HS3ST5: variants seen among roughly 807,000 people sequenced by gnomAD.
HS3ST5 encodes the protein heparan sulfate glucosamine 3-O-sulfotransferase 5.
Under a neutral mutation model 25.4 loss-of-function variants are expected in HS3ST5, and 10 were observed. That is an observed-to-expected ratio of 0.39 (90% CI 0.24 to 0.67). The LOEUF (loss-of-function observed/expected upper bound fraction) is 0.67. Among genes scored for constraint, HS3ST5 ranks in the 30% least tolerant of loss-of-function variants. The pLI is 0.44. For synonymous variants in HS3ST5, 170 were observed against 162.4 expected (o/e 1.05, Z -0.36); for missense variants, 324 against 420.7 (o/e 0.77, Z 2.01).
At chr6:114,108,692 T>G (rs1241606026) in intron 3 of HS3ST5, among the ~76,000 whole-genome samples, 1 of 152,058 alleles carries the variant, frequency 6.6e-6, no homozygotes, top group Non-Finnish European at 1.5e-5. Flanking sequence ...AATAAAACAT[T>G]AACTGGCACA....
chr6:114,333,861 C>A (rs1776503694), intron 1 of HS3ST5, among the ~76,000 whole-genome samples: 1 of 152,100 alleles, frequency 6.6e-6, no homozygotes, highest in Non-Finnish European at 1.5e-5. Context: ...GTTGGTATCA[C>A]ACATCTAGTC....
At chr6:114,144,101 C>T (rs1778039011) in intron 3 of HS3ST5, among the ~76,000 whole-genome samples, 1 of 152,108 alleles carries the variant, frequency 6.6e-6, no homozygotes. Context: ...CCCAGAGTTC[C>T]CAGTGGCAAC....
chr6:114,198,279 A>T (rs1780856658), intron 2 of HS3ST5, among the ~76,000 whole-genome samples: 1 of 152,184 alleles, frequency 6.6e-6, no homozygotes, highest in Non-Finnish European at 1.5e-5. Context: ...CCTTTGAGAT[A>T]TATGGGATTA....
At chr6:114,129,641 A>G (rs1329185034) in intron 3 of HS3ST5, among the ~76,000 whole-genome samples, 1 of 152,228 alleles carries the variant, frequency 6.6e-6, no homozygotes, top group Non-Finnish European at 1.5e-5. Context: ...GCTCAGTAAC[A>G]TCACCGAAAA....
intron 3 of HS3ST5, among the ~76,000 whole-genome samples, chr6:114,106,399 A>G (rs1041638819): frequency 3.9e-5 from 6 of 152,124 alleles, no homozygotes; most frequent in Non-Finnish European, 8.8e-5. Flanking sequence ...CTTGATTTGA[A>G]TTGAACAAAA....
At chr6:114,252,325 T>C (rs1267207058) in intron 1 of HS3ST5, among the ~76,000 whole-genome samples, 1 of 152,130 alleles carries the variant, frequency 6.6e-6, no homozygotes, top group Non-Finnish European at 1.5e-5. Flanking sequence ...TAGCTGAAGG[T>C]TAAGGTGGCT....
intron 3 of HS3ST5, among the ~76,000 whole-genome samples, chr6:114,119,448 A>G (rs1776678212): frequency 6.6e-6 from 1 of 152,212 alleles, no homozygotes; most frequent in East Asian, 1.9e-4. Flanking sequence ...AGTGAGGGGA[A>G]CTGCAAATTG....
chr6:114,196,427 G>C (rs1232410060), intron 2 of HS3ST5, among the ~76,000 whole-genome samples: 2 of 151,994 alleles, frequency 1.3e-5, no homozygotes, highest in Admixed American at 1.3e-4. Context: ...CGCTGAGTGG[G>C]GCTTTTGTAA....
intron 2 of HS3ST5, among the ~76,000 whole-genome samples, chr6:114,211,668 T>C (rs1781514982): frequency 6.6e-6 from 1 of 152,170 alleles, no homozygotes; most frequent in African/African-American, 2.4e-5. Context: ...GAAAAATGTA[T>C]TAAAACCAGC....
chr6:114,103,996 C>T (rs990024303), intron 3 of HS3ST5, among the ~76,000 whole-genome samples: 5 of 151,670 alleles, frequency 3.3e-5, no homozygotes, highest in Non-Finnish European at 7.4e-5. Flanking sequence ...CCACTGTGCC[C>T]GGCCTATTGT....
chr6:114,297,853 A>C (rs1329476977), intron 1 of HS3ST5, among the ~76,000 whole-genome samples: 1 of 152,216 alleles, frequency 6.6e-6, no homozygotes, highest in Non-Finnish European at 1.5e-5. Flanking sequence ...ATACAATAGA[A>C]TCTGACACAT....
At chr6:114,338,817 G>C (rs903211135) in intron 1 of HS3ST5, among the ~76,000 whole-genome samples, 6 of 151,910 alleles carry the variant, frequency 3.9e-5, no homozygotes, top group African/African-American at 1.4e-4. Flanking sequence ...TTACATTTTT[G>C]CTAACTTGAA....
At chr6:114,304,874 G>A (rs1775224611) in intron 1 of HS3ST5, among the ~76,000 whole-genome samples, 1 of 152,074 alleles carries the variant, frequency 6.6e-6, no homozygotes, top group African/African-American at 2.4e-5. Context: ...TGTTTTGGTT[G>A]ATGTATATTT....
chr6:114,229,174 C>T (rs1771455176), intron 1 of HS3ST5, among the ~76,000 whole-genome samples: 1 of 152,158 alleles, frequency 6.6e-6, no homozygotes, highest in Admixed American at 6.5e-5. Context: ...TTTAAATCCC[C>T]ATGGAATCAT....
At chr6:114,336,593 C>T (rs1169517711) in intron 1 of HS3ST5, among the ~76,000 whole-genome samples, 2 of 151,960 alleles carry the variant, frequency 1.3e-5, no homozygotes, top group Admixed American at 6.6e-5. Context: ...GGTGACAGAG[C>T]GTGAGTCCAA....
At chr6:114,156,328 G>C (rs1021042385) in intron 3 of HS3ST5, among the ~76,000 whole-genome samples, 4 of 152,196 alleles carry the variant, frequency 2.6e-5, no homozygotes, top group African/African-American at 7.2e-5. Context: ...CTAACAATTG[G>C]ATTAGGGCAT....
chr6:114,316,594 G>GT (rs1327028416), intron 1 of HS3ST5, among the ~76,000 whole-genome samples: 1 of 151,940 alleles, frequency 6.6e-6, no homozygotes, highest in African/African-American at 2.4e-5. Context: ...GATCCAAAAA[G>GT]TGAAAAAAAA....
In HS3ST5 at chr6:114,084,746, AGGCCAGCAATT is replaced by A. The variant is rs1774695526; in HGVS notation, c.-32-21880_-32-21870del. On this transcript the variant is annotated intron_variant, in intron 3 of 4. Coordinates refer to ENST00000312719, the MANE Select transcript of HS3ST5 (RefSeq NM_153612.4). Reference sequence around the variant, plus strand: ...GTTAGTGAAGGTTCCAGGCGTGAAGAGGCCAGCAATTGGAGTGGCTCCAGTGGCAGCAGCAA... The same window carrying A: ...GTTAGTGAAGGTTCCAGGCGTGAAGAGGAGTGGCTCCAGTGGCAGCAGCAA... The A allele has an allele frequency of 4.8e-6, 4 of 834,192 alleles. No homozygotes were observed. The East Asian group carries it at 9.7e-5, about 20-fold the overall frequency. The allele number at this position is 834,192 out of a possible 1,614,324, so 51.7% of individuals were successfully genotyped here.
At chr6:114,329,577 A>C (rs1294169952) in intron 1 of HS3ST5, among the ~76,000 whole-genome samples, 3 of 152,172 alleles carry the variant, frequency 2.0e-5, no homozygotes, top group African/African-American at 7.2e-5. Flanking sequence ...TGGCAGTGGA[A>C]AGGGAAACTG....
Sources: allele counts gnomAD v4.1 joint callset (sites outside exome capture counted in the v4.1 genomes callset), GRCh38; gene constraint gnomAD v4.1.1; transcripts MANE v1.5; gene names NCBI Gene and HGNC (gene_info 2026-07-23, HGNC 2026-07-21).